The following SEZ6L variants were observed in gnomAD, a reference collection of about 807,000 sequenced individuals.
SEZ6L encodes the protein seizure related 6 homolog like.
Under a neutral mutation model 106.2 loss-of-function variants are expected in SEZ6L, and 37 were observed. That is an observed-to-expected ratio of 0.35 (90% CI 0.27 to 0.46). SEZ6L has a LOEUF of 0.46. Among genes scored for constraint, SEZ6L ranks in the 20% least tolerant of loss-of-function variants. SEZ6L has a pLI of 1.00. For missense variants in SEZ6L, 1,172 were observed against 1,332.8 expected, an observed-to-expected ratio of 0.88 and a Z score of 1.88; for synonymous variants, 541 against 570.4, an observed-to-expected ratio of 0.95 and a Z score of 0.73.
chr22:26,350,920 T>TG, intron 11 of SEZ6L, 132 bp from the exon 12 acceptor site: 1 of 793,406 alleles, frequency 1.3e-6, no homozygotes, highest in Non-Finnish European at 1.9e-6. Context: ...CCTCCCAAAT[T>TG]GCTGGGACTA....
At chr22:26,307,587 G>T (rs662329) in intron 6 of SEZ6L, among the ~76,000 whole-genome samples, 109,456 of 151,980 alleles carry the variant, frequency 0.72, 39,604 homozygotes, top group African/African-American at 0.79. Flanking sequence ...AATTGCTGCT[G>T]TAAAGTGTAA....
At position 26,230,438 on chromosome 22, in the gene SEZ6L, C is replaced by T. The variant is rs185084764; in HGVS notation, c.94+60675C>T. Reference sequence around the variant, plus strand: ...TCATTCAACAAATACTTATTGAGCACTAACTCTGCGCCAGGCACAGAGCTG... The same window carrying T: ...TCATTCAACAAATACTTATTGAGCATTAACTCTGCGCCAGGCACAGAGCTG... On this transcript the variant is annotated intron_variant, in intron 1 of 16. Transcript: ENST00000248933. 1.1e-4 allele frequency among the ~76,000 whole-genome samples: 16 copies of T among 152,346 alleles called. 1 individual carries two copies. In the East Asian group the frequency reaches 3.1e-3, roughly 29 times the overall value.
intron 4 of SEZ6L, among the ~76,000 whole-genome samples, chr22:26,297,888 C>T (rs2081346615): frequency 6.6e-6 from 1 of 151,768 alleles, no homozygotes; most frequent in Admixed American, 6.6e-5. Flanking sequence ...ACCCCGATTT[C>T]CTCCTATGCA....
intron 1 of SEZ6L, among the ~76,000 whole-genome samples, chr22:26,281,461 G>A (rs1189853528): frequency 2.1e-5 from 3 of 144,798 alleles, no homozygotes; most frequent in South Asian, 2.2e-4. Context: ...TGCAAGCTCC[G>A]CCTCCCGGGT....
intron 5 of SEZ6L, among the ~76,000 whole-genome samples, chr22:26,299,969 C>T (rs1234567647): frequency 6.6e-6 from 1 of 152,220 alleles, no homozygotes; most frequent in Non-Finnish European, 1.5e-5. Flanking sequence ...AGTGTCTCCA[C>T]ATCCTTGCCC....
chr22:26,301,969 G>A (rs777198164), intron 5 of SEZ6L, among the ~76,000 whole-genome samples: 4 of 152,146 alleles, frequency 2.6e-5, no homozygotes, highest in African/African-American at 7.2e-5. Flanking sequence ...AAGCATAAGG[G>A]TGATCATTCT....
chr22:26,249,639 G>T (rs547098945), intron 1 of SEZ6L, among the ~76,000 whole-genome samples: 2 of 152,270 alleles, frequency 1.3e-5, no homozygotes, highest in South Asian at 4.2e-4. Context: ...CAATAAACAT[G>T]GGAGTGCAGA....
chr22:26,324,475 C>T (rs2082251596), intron 9 of SEZ6L, among the ~76,000 whole-genome samples: 1 of 152,152 alleles, frequency 6.6e-6, no homozygotes, highest in African/African-American at 2.4e-5. Flanking sequence ...AAATTAAGTG[C>T]CTTGTCCAGA....
intron 1 of SEZ6L, among the ~76,000 whole-genome samples, chr22:26,170,581 A>AC (rs1938518146): frequency 6.6e-6 from 1 of 152,016 alleles, no homozygotes; most frequent in Non-Finnish European, 1.5e-5. Context: ...CAGACCTGGA[A>AC]CCATACCCTC....
At chr22:26,189,982 A>C (rs1459960819) in intron 1 of SEZ6L, among the ~76,000 whole-genome samples, 1 of 152,050 alleles carries the variant, frequency 6.6e-6, no homozygotes, top group Admixed American at 6.5e-5. Flanking sequence ...CTGTGGTCCC[A>C]GTTACTCGGG....
At chr22:26,301,598 G>C (rs932095557) in intron 5 of SEZ6L, among the ~76,000 whole-genome samples, 1 of 152,220 alleles carries the variant, frequency 6.6e-6, no homozygotes, top group Non-Finnish European at 1.5e-5. Context: ...TGCAGAAAAG[G>C]TATACAGGAA....
intron 1 of SEZ6L, among the ~76,000 whole-genome samples, chr22:26,235,582 G>A (rs1209846037): frequency 6.6e-6 from 1 of 152,142 alleles, no homozygotes; most frequent in Non-Finnish European, 1.5e-5. Flanking sequence ...CACATTCCAG[G>A]AAGGGTCCCT....
chr22:26,219,531 C>T (rs995241075), intron 1 of SEZ6L, among the ~76,000 whole-genome samples: 3 of 151,966 alleles, frequency 2.0e-5, no homozygotes, highest in African/African-American at 7.3e-5. Flanking sequence ...GATGTGAATC[C>T]ATCTCCTGAG....
intron 9 of SEZ6L, among the ~76,000 whole-genome samples, chr22:26,339,099 C>T (rs1214135678): frequency 6.6e-6 from 1 of 151,966 alleles, no homozygotes; most frequent in Non-Finnish European, 1.5e-5. Flanking sequence ...TTCCATGATG[C>T]CCCTAATCTG....
chr22:26,205,344 G>A (rs894199475), intron 1 of SEZ6L, among the ~76,000 whole-genome samples: 3 of 152,208 alleles, frequency 2.0e-5, no homozygotes, highest in African/African-American at 7.2e-5. Context: ...GTAGACATCA[G>A]TTGTTACTAG....
Position 26,318,056 on chromosome 22 carries a change from CATTTTATTTT to C in SEZ6L, c.2015+4180_2015+4189del, listed in dbSNP as rs71192913. The stretch of plus-strand genomic sequence containing the variant: ...TCTAAAATCATTTAAATTCAATTTC[CATTTTATTTT>C]ATTTTATTTTATTTTATTTTATTTT... On this transcript the variant is annotated intron_variant, in intron 9 of 16. Transcript: ENST00000248933. Among the ~76,000 whole-genome samples the C allele has an allele frequency of 3.4e-3, 501 of 146,718 alleles. 10 individuals are homozygous for C. Among genetic ancestry groups the C allele is most frequent in the Middle Eastern group, 0.017 (5 of 290 alleles).
chr22:26,313,660 G>T, intron 8 of SEZ6L, 104 bp from the exon 9 acceptor site: 1 of 1,389,530 alleles, frequency 7.2e-7, no homozygotes, highest in Non-Finnish European at 1.0e-6. Context: ...ACAGTACACA[G>T]AGATTCACGG....
chr22:26,237,105 A>G (rs150147860), intron 1 of SEZ6L, among the ~76,000 whole-genome samples: 3 of 151,940 alleles, frequency 2.0e-5, no homozygotes, highest in Admixed American at 6.6e-5. Flanking sequence ...TAGCTGCTCA[A>G]CTCGAGGTGT....
intron 1 of SEZ6L, among the ~76,000 whole-genome samples, chr22:26,263,934 G>C (rs2080097118): frequency 6.6e-6 from 1 of 152,160 alleles, no homozygotes; most frequent in Admixed American, 6.5e-5. Flanking sequence ...TGATCTTTTT[G>C]CTTCCACCCT....
Sources: gnomAD v4.1 joint callset for allele counts (sites outside exome capture counted in the v4.1 genomes callset) on GRCh38, gnomAD v4.1.1 for gene constraint, MANE v1.5 for transcripts, NCBI Gene and HGNC (gene_info 2026-07-23, HGNC 2026-07-21) for gene names.